The following ZNF180 variants were observed in gnomAD, a reference collection of about 807,000 sequenced individuals.
The protein encoded by ZNF180 is zinc finger protein 180 (HHZ168).
ZNF180 carries 11 observed loss-of-function variants against 11.8 expected under a neutral mutation model. That is an observed-to-expected ratio of 0.93 (90% CI 0.59 to 1.55). The LOEUF (loss-of-function observed/expected upper bound fraction) is 1.55, where lower values mean the gene tolerates loss of function less well. Ranked by LOEUF, ZNF180 falls within the 40% of genes most tolerant of loss-of-function variation. The pLI is 0.00. For synonymous variants in ZNF180, 287 were observed against 257.7 expected (o/e 1.11, Z -1.09); for missense variants, 773 against 781.7 (o/e 0.99, Z 0.13).
At chr19:44,493,507 T>C (rs1024461510) in intron 2 of ZNF180, among the ~76,000 whole-genome samples, 1 of 152,218 alleles carries the variant, frequency 6.6e-6, no homozygotes, top group Non-Finnish European at 1.5e-5. Context: ...CATCTTCTGA[T>C]AATAATTAAA....
rs772704975 is a variant in ZNF180 at position 44,478,096 on chromosome 19, A to C, written c.304T>G (p.Phe102Val). 1.9e-5 allele frequency: 30 copies of C among 1,598,934 alleles called. No individual in the cohort carries two copies. Among genetic ancestry groups the C allele is most frequent in the Non-Finnish European group, 2.4e-5 (28 of 1,170,874 alleles). Residue 102 changes from phenylalanine to valine, a missense_variant, in exon 5 of 5, where the codon TTT (phenylalanine) becomes GTT (valine). By Grantham distance (50) the Phe-to-Val change is conservative. Transcript: ENST00000592529. ...KKDSTSKQRI[F>V]DEEPANGVKI... Reference sequence around the variant, plus strand: ...ACTCCATTAGCTGGTTCTTCATCAAAAATCCTCTGCTTTGAAGTTGAATCT... The same window carrying C: ...ACTCCATTAGCTGGTTCTTCATCAACAATCCTCTGCTTTGAAGTTGAATCT...
intron 1 of ZNF180, among the ~76,000 whole-genome samples, chr19:44,499,158 C>T (rs182751541): frequency 3.5e-4 from 53 of 152,320 alleles, no homozygotes; most frequent in Non-Finnish European, 7.2e-4. Context: ...CATAATCAGC[C>T]CCAGGACTTG....
Position 44,477,199 on chromosome 19 carries a change from G to C in ZNF180, c.1201C>G (p.Gln401Glu). The C allele has an allele frequency of 6.2e-7, 1 of 1,614,068 alleles. No individual in the cohort carries two copies. Among genetic ancestry groups the C allele is most frequent in the Non-Finnish European group, 8.5e-7 (1 of 1,180,002 alleles). ...FSQSYVLVVH[Q>E]RTHTGEKPYE... ...GGCTTCTCCCCAGTATGAGTTCTTT[G>C]ATGCACAACAAGGACATAACTCTGG... The change falls in exon 5 of 5, where the codon CAA becomes GAA. Residue 401 changes from glutamine (Q) to glutamate (E), a missense_variant. By Grantham distance (29) the Gln-to-Glu change is conservative. Transcript: ENST00000592529.
At chr19:44,486,298 T>C (rs531977550) in intron 2 of ZNF180, among the ~76,000 whole-genome samples, 6 of 152,246 alleles carry the variant, frequency 3.9e-5, no homozygotes, top group Non-Finnish European at 8.8e-5. Context: ...AGTTATTCTT[T>C]GAAGGGGTAG....
chr19:44,477,914 G>C lies in ZNF180; in HGVS notation c.486C>G (p.Val162=). 2 of 1,613,978 alleles carry C rather than the reference G, an allele frequency of 1.2e-6. No homozygotes were observed. Among genetic ancestry groups the C allele is most frequent in the Non-Finnish European group, 1.7e-6 (2 of 1,179,996 alleles). ...TQRKAVIHER[V]CKSDETGEKS... ...TCTCCCCAGTTTCATCACTTTTGCAGACTCTCTCATGAATAACTGCTTTCC... is the reference window on the plus strand; with the variant it reads ...TCTCCCCAGTTTCATCACTTTTGCACACTCTCTCATGAATAACTGCTTTCC... Residue 162 remains valine, a synonymous_variant, in exon 5 of 5, where the codon GTC becomes GTG. Coordinates refer to ENST00000592529, the MANE Select transcript of ZNF180 (RefSeq NM_001278509.3).
chr19:44,489,754 G>GAAAAAAAAAAAAAAAA (rs999660064), intron 2 of ZNF180, among the ~76,000 whole-genome samples: 1 of 102,336 alleles, frequency 9.8e-6, no homozygotes, highest in African/African-American at 3.7e-5. Flanking sequence ...AAGAAAAAAA[G>GAAAAAAAAAAAAAAAA]AAAAAAAAAA....
At position 44,500,307 on chromosome 19, in the gene ZNF180, G is replaced by A. The variant is rs1463951451; in HGVS notation, c.-76C>T. On this transcript the variant is annotated 5_prime_UTR_variant, in exon 1 of 5. Transcript: ENST00000592529. ...TCCGCTGGCCCGCAGCCCAGGCTGG[G>A]CCTGTCACCGCCTCAGTGCCTAGCA... 1.3e-6 allele frequency: 2 copies of A among 1,594,706 alleles called. No individual in the cohort carries two copies. The highest frequency in any genetic ancestry group is 1.7e-6 in the Non-Finnish European group (2 of 1,166,314).
chr19:44,478,264 T>A, intron 4 of ZNF180, 118 bp from the exon 5 acceptor site: 1 of 1,141,498 alleles, frequency 8.8e-7, no homozygotes, highest in Non-Finnish European at 1.2e-6. Context: ...TACTGACCGA[T>A]AACCTAGGTT....
rs554832429 is a variant in ZNF180, at chr19:44,497,143, T to C, written c.51+141A>G. ...AACTAGCAGGGAGATTCATAAAATA[T>C]ATAGTAAGTGTTAGAAGCCTGATGG... is the stretch of plus-strand genomic sequence containing the variant. On this transcript the variant is annotated intron_variant, in intron 2 of 4. Coordinates refer to ENST00000592529, the MANE Select transcript of ZNF180 (RefSeq NM_001278509.3). 22 of 515,478 alleles carry C rather than the reference T, an allele frequency of 4.3e-5. No individual in the cohort carries two copies. The South Asian group carries it at 9.9e-4, about 23-fold the overall frequency. The allele number at this position is 515,478 out of a possible 1,614,324, so 31.9% of individuals were successfully genotyped here.
Position 44,476,559 on chromosome 19 carries a change from GT to G in ZNF180, c.1840del (p.Thr614HisfsTer4). On this transcript the variant is annotated frameshift_variant, in exon 5 of 5. Transcript: ENST00000592529. LOFTEE classifies it low-confidence loss of function (END_TRUNC). Reference sequence around the variant, plus strand: ...AATAAGTCGAGCACTCAAGCTAAATGTTTTTCCACACTGATTACATTCAAAT... The same window carrying G: ...AATAAGTCGAGCACTCAAGCTAAATGTTTTCCACACTGATTACATTCAAAT... ...KPFECNQCGK[T>X]FSLSARLIVH... 6.2e-7 allele frequency: 1 copy of G among 1,614,116 alleles called. No homozygotes were observed. Among genetic ancestry groups the G allele is most frequent in the African/African-American group, 1.3e-5 (1 of 75,050 alleles).
At chr19:44,491,460 T>A (rs1026998937) in intron 2 of ZNF180, among the ~76,000 whole-genome samples, 1 of 152,272 alleles carries the variant, frequency 6.6e-6, no homozygotes, top group Non-Finnish European at 1.5e-5. Context: ...TGAATTTACA[T>A]CTTAGCTCCC....
At chr19:44,500,226 T>TGCGCATGC in intron 1 of ZNF180, 49 bp downstream of exon 1, 1 of 1,614,076 alleles carries the variant, frequency 6.2e-7, no homozygotes. Flanking sequence ...GCGTAGACCC[T>TGCGCATGC]GCGCATGCGC....
chr19:44,485,875 C>A (rs1342098452), intron 2 of ZNF180, among the ~76,000 whole-genome samples: 1 of 151,950 alleles, frequency 6.6e-6, no homozygotes, highest in Admixed American at 6.5e-5. Flanking sequence ...TATGTACATT[C>A]TTTTATTTTT....
At chr19:44,496,922 C>G (rs770574686) in intron 2 of ZNF180, among the ~76,000 whole-genome samples, 6 of 152,132 alleles carry the variant, frequency 3.9e-5, no homozygotes, top group Non-Finnish European at 7.4e-5. Flanking sequence ...GTTTCAATGG[C>G]TACAGTGTAT....
rs181937397 is a variant in ZNF180 at position 44,495,729 on chromosome 19, T to C, written c.51+1555A>G. Among the ~76,000 whole-genome samples, 45 of 152,212 alleles carry C rather than the reference T, an allele frequency of 3.0e-4. No individual in the cohort carries two copies. The highest frequency in any genetic ancestry group is 5.3e-4 in the Non-Finnish European group (36 of 68,008). The stretch of plus-strand genomic sequence containing the variant: ...AGCCACTTGGGCTCTGACACCCACA[T>C]TGGGCTGCACCACGTGCACAAGCGA... On this transcript the variant is annotated intron_variant, in intron 2 of 4. Coordinates refer to ENST00000592529, the MANE Select transcript of ZNF180 (RefSeq NM_001278509.3). This position sits in a 1 kb window ranked among gnomAD's most constrained non-coding sequence, Gnocchi z 4.5.
rs1970548675 is a variant in ZNF180 at position 44,495,257 on chromosome 19, C to T, written c.51+2027G>A. 6.6e-6 allele frequency among the ~76,000 whole-genome samples: 1 copy of T among 152,142 alleles called. No individual in the cohort carries two copies. The highest frequency in any genetic ancestry group is 1.5e-5 in the Non-Finnish European group (1 of 68,016). On this transcript the variant is annotated intron_variant, in intron 2 of 4. Coordinates refer to ENST00000592529, the MANE Select transcript of ZNF180 (RefSeq NM_001278509.3). This position sits in a 1 kb window ranked among gnomAD's most constrained non-coding sequence, Gnocchi z 4.5. The stretch of plus-strand genomic sequence containing the variant: ...CTCTCCCTATGGATGCTTTCCCAGA[C>T]TCCCTGGGCTCTGCCACCCCACACT...
intron 3 of ZNF180, among the ~76,000 whole-genome samples, chr19:44,481,639 T>G (rs1041230637): frequency 7.9e-5 from 12 of 152,356 alleles, no homozygotes; most frequent in Non-Finnish European, 1.6e-4. Context: ...TCTCTGTCAC[T>G]AGGCCATGAT....
At position 44,477,543 on chromosome 19, in the gene ZNF180, T is replaced by G. The variant is rs749651278; in HGVS notation, c.857A>C (p.Lys286Thr). ...FKECGQVLNP[K>T]ISHNEQQRIP... Reference sequence around the variant, plus strand: ...TCTCTGTTGTTCATTATGGGATATTTTGGGGTTCAAAACCTGCCCACATTC... The same window carrying G: ...TCTCTGTTGTTCATTATGGGATATTGTGGGGTTCAAAACCTGCCCACATTC... Residue 286 changes from lysine (K) to threonine (T), a missense_variant, in exon 5 of 5, where the codon AAA becomes ACA. Lys to Thr is a moderately conservative substitution (Grantham distance 78). Transcript: ENST00000592529. 6.2e-7 allele frequency: 1 copy of G among 1,614,134 alleles called. No homozygotes were observed. Among genetic ancestry groups the G allele is most frequent in the Admixed American group, 1.7e-5 (1 of 60,026 alleles).
chr19:44,491,249 T>C (rs1056808767), intron 2 of ZNF180, among the ~76,000 whole-genome samples: 9 of 152,244 alleles, frequency 5.9e-5, no homozygotes, highest in Non-Finnish European at 1.0e-4. Flanking sequence ...AGGAAACCTT[T>C]GTTGGGTGCC....
Sources: gnomAD v4.1 joint callset for allele counts (sites outside exome capture counted in the v4.1 genomes callset) on GRCh38, gnomAD v4.1.1 for gene constraint, Gnocchi (gnomAD v3.1) non-coding constraint, MANE v1.5 for transcripts, NCBI Gene and HGNC (gene_info 2026-07-23, HGNC 2026-07-21) for gene names.